The following CACNB2 variants were observed in gnomAD, a reference collection of about 807,000 sequenced individuals.
CACNB2 encodes calcium voltage-gated channel auxiliary subunit beta 2.
In CACNB2, 42 loss-of-function variants were observed where a neutral mutation model predicts 73.3. The observed-to-expected ratio is 0.57, with a 90% confidence interval of 0.45 to 0.74. The LOEUF (loss-of-function observed/expected upper bound fraction) is 0.74. Among genes scored for constraint, CACNB2 ranks in the 30% least tolerant of loss-of-function variants. CACNB2 has a pLI of 0.00. For missense variants in CACNB2, 940 were observed against 853.0 expected, an observed-to-expected ratio of 1.10 and a Z score of -1.27; for synonymous variants, 348 against 310.3, an observed-to-expected ratio of 1.12 and a Z score of -1.28.
intron 2 of CACNB2, among the ~76,000 whole-genome samples, chr10:18,347,162 A>T (rs1219983630): frequency 1.3e-5 from 2 of 151,302 alleles, no homozygotes; most frequent in Non-Finnish European, 2.9e-5. Flanking sequence ...CAAGAACAAG[A>T]TTTTATTTTA....
At chr10:18,169,678 T>C (rs2033098962) in intron 2 of CACNB2, among the ~76,000 whole-genome samples, 1 of 152,200 alleles carries the variant, frequency 6.6e-6, no homozygotes, top group Admixed American at 6.5e-5. Flanking sequence ...TGGGAACTCA[T>C]ACTTCTTGGG....
At chr10:18,489,402 A>C (rs2049276185) in intron 3 of CACNB2, among the ~76,000 whole-genome samples, 1 of 150,968 alleles carries the variant, frequency 6.6e-6, no homozygotes, top group Non-Finnish European at 1.5e-5. Flanking sequence ...AAAAAAAAAA[A>C]AAAAAAAAAA....
intron 2 of CACNB2, among the ~76,000 whole-genome samples, chr10:18,240,399 C>T (rs970870788): frequency 4.6e-5 from 7 of 152,118 alleles, no homozygotes; most frequent in Admixed American, 4.6e-4. Context: ...TATGTGATGG[C>T]GTACTCAAAA....
At chr10:18,429,597 C>G (rs761632810) in intron 3 of CACNB2, among the ~76,000 whole-genome samples, 1 of 148,804 alleles carries the variant, frequency 6.7e-6, no homozygotes, top group Non-Finnish European at 1.5e-5. Context: ...GAGGCCAAGG[C>G]GGGGGTATCA....
intron 2 of CACNB2, among the ~76,000 whole-genome samples, chr10:18,336,561 A>G (rs1212817425): frequency 2.0e-5 from 3 of 152,078 alleles, no homozygotes; most frequent in African/African-American, 7.2e-5. Flanking sequence ...GGAGGCTGCA[A>G]TGAGCCAAGA....
intron 2 of CACNB2, chr10:18,182,189 A>G (rs1159430170): frequency 6.6e-6 from 1 of 152,068 alleles, no homozygotes; most frequent in Admixed American, 6.6e-5. Context: ...AGGGCCGGGT[A>G]CAGTCGCTCA....
intron 2 of CACNB2, among the ~76,000 whole-genome samples, chr10:18,241,870 G>A (rs11013134): frequency 0.019 from 2,905 of 151,974 alleles, 54 homozygotes; most frequent in East Asian, 0.11. Flanking sequence ...GAGCTTCTAC[G>A]TCATGTAATA....
In CACNB2 at chr10:18,199,748, A is replaced by G. The variant is rs1336761097; in HGVS notation, c.213+48773A>G. 2.6e-5 allele frequency among the ~76,000 whole-genome samples: 4 copies of G among 152,138 alleles called. No homozygotes were observed. The East Asian group carries it at 5.8e-4, about 22-fold the overall frequency. ...TAATTACTTTGTCTTCTGTATGGAG[A>G]AGAGATTTTGAGGGAGCAAGACTGG... On this transcript the variant is annotated intron_variant, in intron 2 of 13. Transcript: ENST00000324631.
chr10:18,441,710 C>T (rs1223846785), intron 3 of CACNB2, among the ~76,000 whole-genome samples: 8 of 152,146 alleles, frequency 5.3e-5, no homozygotes, highest in Admixed American at 5.2e-4. Flanking sequence ...TCACAGCGCC[C>T]TGCAGCCTTG....
chr10:18,459,537 G>A (rs1019646691), intron 3 of CACNB2, among the ~76,000 whole-genome samples: 2 of 152,182 alleles, frequency 1.3e-5, no homozygotes, highest in African/African-American at 4.8e-5. Flanking sequence ...TTCTCACCTG[G>A]CTGTGGTGCT....
At chr10:18,190,014 C>G (rs76720202) in intron 2 of CACNB2, among the ~76,000 whole-genome samples, 3,359 of 152,284 alleles carry the variant, frequency 0.022, 49 homozygotes, top group Middle Eastern at 0.1. Context: ...ATCTTCAGCA[C>G]TTGAATGATG....
chr10:18,444,332 C>T (rs755212149), intron 3 of CACNB2, among the ~76,000 whole-genome samples: 7 of 152,124 alleles, frequency 4.6e-5, no homozygotes, highest in South Asian at 4.1e-4. Flanking sequence ...AGAGCCAGAA[C>T]GATCTGGGTT....
chr10:18,193,968 TAAAAAG>T (rs1329681902), intron 2 of CACNB2, among the ~76,000 whole-genome samples: 1 of 151,754 alleles, frequency 6.6e-6, no homozygotes, highest in East Asian at 1.9e-4. Flanking sequence ...CAGAAAAAAA[TAAAAAG>T]AAAAAGTAGA....
At chr10:18,311,303 C>T (rs977278727) in intron 2 of CACNB2, among the ~76,000 whole-genome samples, 2 of 152,166 alleles carry the variant, frequency 1.3e-5, no homozygotes, top group African/African-American at 4.8e-5. Context: ...CCTCTGGAAT[C>T]TTTTAGTCTT....
chr10:18,169,307 G>C (rs554444508), intron 2 of CACNB2, among the ~76,000 whole-genome samples: 1 of 152,090 alleles, frequency 6.6e-6, no homozygotes, highest in Non-Finnish European at 1.5e-5. Flanking sequence ...GTTCAGGAAA[G>C]AATTTACATG....
At chr10:18,209,880 A>G (rs2035246403) in intron 2 of CACNB2, among the ~76,000 whole-genome samples, 1 of 152,220 alleles carries the variant, frequency 6.6e-6, no homozygotes, top group Non-Finnish European at 1.5e-5. Flanking sequence ...ATATTTTCGT[A>G]AAGATAAAAT....
chr10:18,269,348 C>T (rs765800545), intron 2 of CACNB2, among the ~76,000 whole-genome samples: 2 of 152,198 alleles, frequency 1.3e-5, no homozygotes, highest in Non-Finnish European at 2.9e-5. Context: ...TTTCCCTTCA[C>T]TTCTGTGATA....
At chr10:18,215,641 G>A (rs2035481167) in intron 2 of CACNB2, among the ~76,000 whole-genome samples, 1 of 152,188 alleles carries the variant, frequency 6.6e-6, no homozygotes, top group African/African-American at 2.4e-5. Flanking sequence ...TTGCTGCTCT[G>A]TGTCAGATAA....
intron 2 of CACNB2, among the ~76,000 whole-genome samples, chr10:18,283,993 T>G (rs1359696844): frequency 6.6e-6 from 1 of 152,016 alleles, no homozygotes; most frequent in African/African-American, 2.4e-5. Context: ...TATTCATCAC[T>G]GATACCAGCC....
Sources: allele counts gnomAD v4.1 joint callset (sites outside exome capture counted in the v4.1 genomes callset), GRCh38; gene constraint gnomAD v4.1.1; transcripts MANE v1.5; gene names NCBI Gene and HGNC (gene_info 2026-07-23, HGNC 2026-07-21).